RNF125: variants seen among roughly 807,000 people sequenced by gnomAD.
RNF125 encodes ring finger protein 125, also known as E3 ubiquitin-protein ligase RNF125.
A neutral mutation model predicts 26.0 loss-of-function variants in RNF125; 21 were observed. The observed-to-expected ratio is 0.81, with a 90% confidence interval of 0.57 to 1.16. The LOEUF is 1.16. RNF125 is among the 50% of genes most tolerant of loss of function. The pLI is 0.00. For missense variants in RNF125, 270 were observed against 299.4 expected (o/e 0.90, Z 0.72); for synonymous variants, 95 against 109.2 (o/e 0.87, Z 0.81).
chr18:32,019,604 C>T (rs770196330), intron 1 of RNF125, among the ~76,000 whole-genome samples: 39 of 152,208 alleles, frequency 2.6e-4, no homozygotes, highest in East Asian at 5.8e-4. Context: ...CCCCTGCTAC[C>T]CTTTCCCAAC....
chr18:32,044,310 A>G (rs1446001573), intron 3 of RNF125, among the ~76,000 whole-genome samples: 1 of 152,074 alleles, frequency 6.6e-6, no homozygotes, highest in African/African-American at 2.4e-5. Context: ...CGGCCTAGAA[A>G]TATAATGTTA....
At chr18:32,037,826 C>T (rs1373431027) in intron 2 of RNF125, among the ~76,000 whole-genome samples, 1 of 152,156 alleles carries the variant, frequency 6.6e-6, no homozygotes, top group African/African-American at 2.4e-5. Flanking sequence ...ACGCACCAAT[C>T]AGCAGGATTC....
rs1184331182 is a variant in RNF125 at position 32,069,080 on chromosome 18, A to G, written c.*696A>G. 3 of 152,070 alleles carry G rather than the reference A, an allele frequency of 2.0e-5. No homozygotes were observed. Among genetic ancestry groups the G allele is most frequent in the Non-Finnish European group, 4.4e-5 (3 of 68,152 alleles). The allele number at this position is 152,070 out of a possible 1,614,324, so 9.4% of individuals were successfully genotyped here. On this transcript the variant is annotated 3_prime_UTR_variant, in exon 6 of 6. Coordinates refer to ENST00000217740, the MANE Select transcript of RNF125 (RefSeq NM_017831.4). ...GCTGGACGTGTTGGCGGGCATCTGTAATACCAGCTACTTGGGAGGCTGAGG... is the reference window on the plus strand; with the variant it reads ...GCTGGACGTGTTGGCGGGCATCTGTGATACCAGCTACTTGGGAGGCTGAGG...
intron 4 of RNF125, among the ~76,000 whole-genome samples, chr18:32,059,503 T>G (rs2039415955): frequency 6.6e-6 from 1 of 152,222 alleles, no homozygotes; most frequent in Non-Finnish European, 1.5e-5. Flanking sequence ...TTTGCACTCC[T>G]TATATATTCT....
intron 4 of RNF125, among the ~76,000 whole-genome samples, chr18:32,052,756 C>G (rs180893609): frequency 7.2e-5 from 11 of 152,206 alleles, no homozygotes; most frequent in Non-Finnish European, 1.6e-4. Context: ...TCCTTTGCAT[C>G]TTGGAATGGC....
chr18:32,053,219 G>A (rs1194138772), intron 4 of RNF125, among the ~76,000 whole-genome samples: 5 of 152,006 alleles, frequency 3.3e-5, no homozygotes, highest in African/African-American at 7.3e-5. Flanking sequence ...AAAATTAGCC[G>A]GGCATGGTGG....
At chr18:32,045,805 T>A in intron 4 of RNF125, 73 bp downstream of exon 4, 1 of 894,814 alleles carries the variant, frequency 1.1e-6, no homozygotes, top group Non-Finnish European at 1.8e-6. Flanking sequence ...TTTAATAGAT[T>A]TATATTTATA....
At chr18:32,082,977 A>G in the RNF125 span, among the ~76,000 whole-genome samples, 4 of 152,196 alleles carry the variant, frequency 2.6e-5, no homozygotes, top group East Asian at 5.8e-4. Context: ...CCAGAAGGCA[A>G]TATCAGAGAA....
rs2039540681 is a variant in RNF125 at position 32,072,289 on chromosome 18, A to G, written c.*3905A>G. 6.6e-6 allele frequency: 1 copy of G among 152,230 alleles called. No individual in the cohort carries two copies. Among genetic ancestry groups the G allele is most frequent in the Non-Finnish European group, 1.5e-5 (1 of 68,036 alleles). 9.4% of individuals were successfully genotyped at this position (152,230 alleles called of 1,614,324 possible). ...GGAGAGGAATTTTTCAGGAATAATC[A>G]TAAAAAGAAATGATCATCAGACTGA... is the stretch of plus-strand genomic sequence containing the variant. On this transcript the variant is annotated 3_prime_UTR_variant, in exon 6 of 6. Coordinates refer to ENST00000217740, the MANE Select transcript of RNF125 (RefSeq NM_017831.4).
At chr18:32,063,981 T>G (rs2039458467) in intron 4 of RNF125, among the ~76,000 whole-genome samples, 1 of 151,892 alleles carries the variant, frequency 6.6e-6, no homozygotes, top group African/African-American at 2.4e-5. Context: ...TTTTTTTTTT[T>G]TAATCCATCA....
At chr18:32,064,951 G>A (rs538442727) in intron 4 of RNF125, among the ~76,000 whole-genome samples, 2 of 152,158 alleles carry the variant, frequency 1.3e-5, no homozygotes, top group African/African-American at 4.8e-5. Context: ...ATACAAACAA[G>A]TATTCCAAGA....
chr18:32,027,382 A>G (rs2039047273), intron 1 of RNF125, among the ~76,000 whole-genome samples: 1 of 152,180 alleles, frequency 6.6e-6, no homozygotes. Flanking sequence ...GTATCTTTTC[A>G]TAGGTACCAA....
chr18:32,056,410 G>A (rs1016813059), intron 4 of RNF125, among the ~76,000 whole-genome samples: 6 of 151,966 alleles, frequency 3.9e-5, no homozygotes, highest in Non-Finnish European at 8.8e-5. Context: ...TCAGGAGTTC[G>A]AGACCAGCCT....
intron 1 of RNF125, among the ~76,000 whole-genome samples, chr18:32,025,155 TTG>T (rs1406610985): frequency 6.6e-6 from 1 of 152,200 alleles, no homozygotes; most frequent in African/African-American, 2.4e-5. Context: ...GATAGTTAAT[TTG>T]TGAGTACTCA....
intron 1 of RNF125, among the ~76,000 whole-genome samples, chr18:32,028,770 T>C (rs372272637): frequency 1.9e-4 from 29 of 152,004 alleles, no homozygotes; most frequent in African/African-American, 5.3e-4. Flanking sequence ...GCCAGACTGG[T>C]TTCAAACTCC....
downstream of RNF125, among the ~76,000 whole-genome samples, chr18:32,075,097 A>G (rs1254705687): frequency 6.6e-6 from 1 of 152,226 alleles, no homozygotes; most frequent in African/African-American, 2.4e-5. Context: ...CTCCAGATGT[A>G]CAGAATCTCT....
At chr18:32,083,516 G>A in the RNF125 span, among the ~76,000 whole-genome samples, 2 of 152,196 alleles carry the variant, frequency 1.3e-5, no homozygotes, top group Non-Finnish European at 2.9e-5. Context: ...TAAAATTGGT[G>A]TCAGGCTTTT....
chr18:32,062,265 G>A (rs1166007793), intron 4 of RNF125, among the ~76,000 whole-genome samples: 1 of 152,160 alleles, frequency 6.6e-6, no homozygotes, highest in Non-Finnish European at 1.5e-5. Context: ...CGTAGTAGGG[G>A]CATAATAAAG....
chr18:32,073,611 G>C (rs2039550679), downstream of RNF125, among the ~76,000 whole-genome samples: 1 of 152,350 alleles, frequency 6.6e-6, no homozygotes. Context: ...TAAAAGGTAA[G>C]ATGTAGATAG....
Sources: allele counts gnomAD v4.1 joint callset (sites outside exome capture counted in the v4.1 genomes callset), GRCh38; gene constraint gnomAD v4.1.1; transcripts MANE v1.5; gene names NCBI Gene and HGNC (gene_info 2026-07-23, HGNC 2026-07-21).